The following MAP3K21 variants were observed in gnomAD, a reference collection of about 807,000 sequenced individuals.
MAP3K21 encodes mitogen-activated protein kinase kinase kinase 21.
MAP3K21 carries 63 observed loss-of-function variants against 86.1 expected under a neutral mutation model. The ratio of observed to expected loss-of-function variants is 0.73; its 90% CI spans 0.60 to 0.90. The LOEUF (loss-of-function observed/expected upper bound fraction) is 0.90. MAP3K21 is among the 40% of genes least tolerant of loss of function. MAP3K21 has a pLI of 0.00. For missense variants in MAP3K21, 1,220 were observed against 1,367.7 expected (o/e 0.89, Z 1.70); for synonymous variants, 558 against 564.8 (o/e 0.99, Z 0.17).
intron 1 of MAP3K21, among the ~76,000 whole-genome samples, chr1:233,332,420 A>C (rs1228549037): frequency 6.6e-6 from 1 of 151,988 alleles, no homozygotes; most frequent in Non-Finnish European, 1.5e-5. Context: ...AGGAAGCAAA[A>C]ATGAGCCTTC....
chr1:233,331,315 A>G (rs528478484), intron 1 of MAP3K21, among the ~76,000 whole-genome samples: 3 of 152,336 alleles, frequency 2.0e-5, no homozygotes, highest in African/African-American at 7.2e-5. Context: ...TATTTGTTAC[A>G]ATATGACCAT....
chr1:233,328,508 CGCG>C lies in MAP3K21; in HGVS notation c.489_491del (p.Ala165del), dbSNP rs752941231. 8.5e-6 allele frequency: 13 copies of C among 1,525,244 alleles called. No homozygotes were observed. Among genetic ancestry groups the C allele is most frequent in the Admixed American group, 5.9e-5 (3 of 51,014 alleles). 94.5% of individuals were successfully genotyped at this position (1,525,244 alleles called of 1,614,324 possible). A position where few individuals can be genotyped will look rare whatever the true frequency, so the allele number is the denominator to read the frequency against. On this transcript the variant is annotated inframe_deletion, in exon 1 of 10. Transcript: ENST00000366624. The surrounding 1 kb of genome is among the most constrained non-coding windows in gnomAD (Gnocchi z 8.7). ...CGGCGCGCCAGGACCCGGAGCAGGA[CGCG>C]GCGGCGGCTGCCGAGAGCGTGCGGC...
intron 6 of MAP3K21, chr1:233,374,190 T>A (rs183389568): frequency 6.6e-6 from 1 of 152,318 alleles, no homozygotes; most frequent in Non-Finnish European, 1.5e-5. Flanking sequence ...TCTACATTTT[T>A]TTTTTTTTGA....
chr1:233,334,293 C>A (rs969372853), intron 1 of MAP3K21, among the ~76,000 whole-genome samples: 1 of 151,958 alleles, frequency 6.6e-6, no homozygotes, highest in African/African-American at 2.4e-5. Context: ...GTAAGAGACA[C>A]CACCTCTGGC....
intron 5 of MAP3K21, 105 bp downstream of exon 5, chr1:233,362,398 A>G: frequency 8.1e-7 from 1 of 1,228,798 alleles, no homozygotes; most frequent in East Asian, 2.3e-5. Context: ...GTAACTTTGT[A>G]AAACAGTGAA....
Position 233,328,393 on chromosome 1 carries a change from A to G in MAP3K21, c.365A>G (p.Glu122Gly). 1 of 1,486,864 alleles carries G rather than the reference A, an allele frequency of 6.7e-7. No individual in the cohort carries two copies. The highest frequency in any genetic ancestry group is 8.9e-7 in the Non-Finnish European group (1 of 1,126,334). The allele number at this position is 1,486,864 out of a possible 1,614,324, so 92.1% of individuals were successfully genotyped here. The change falls in exon 1 of 10, where the codon GAG (glutamate) becomes GGG (glycine). Residue 122 changes from glutamate to glycine, a missense_variant. Around this residue, in one of 5 missense-constraint regions of MAP3K21, gnomAD observed 369 missense variants for 385.3 expected, o/e 0.96. Coordinates refer to ENST00000366624, the MANE Select transcript of MAP3K21 (RefSeq NM_032435.3). This position sits in a 1 kb window ranked among gnomAD's most constrained non-coding sequence, Gnocchi z 8.7. ...AGCTCCCCGGTACACGTCGCCTTCGAGCGGCTGGAGCTGAAGGAGCTCATC... is the reference window on the plus strand; with the variant it reads ...AGCTCCCCGGTACACGTCGCCTTCGGGCGGCTGGAGCTGAAGGAGCTCATC... ...RPSSPVHVAFERLELKELIGA... is the reference protein window; with the variant it reads ...RPSSPVHVAFGRLELKELIGA...
Position 233,362,049 on chromosome 1 carries a change from G to A in MAP3K21, c.1312-4G>A. The A allele has an allele frequency of 6.2e-7, 1 of 1,610,520 alleles. No homozygotes were observed. The highest frequency in any genetic ancestry group is 1.8e-4 in the Middle Eastern group (1 of 5,532). On this transcript the variant is annotated splice_polypyrimidine_tract_variant and splice_region_variant and intron_variant, in intron 4 of 9. Transcript: ENST00000366624. ...ATTCCGGTGGGTGTGAATCTGTGTC[G>A]CAGGAGCTGCGATCCCGGGAAGAGG...
chr1:233,379,977 C>G (rs1291671896), intron 9 of MAP3K21, among the ~76,000 whole-genome samples: 3 of 152,174 alleles, frequency 2.0e-5, no homozygotes, highest in African/African-American at 7.2e-5. Flanking sequence ...ACCACCCAGC[C>G]CCCTCACGTT....
At chr1:233,372,990 G>A (rs1663719131) in intron 6 of MAP3K21, 1 of 151,868 alleles carries the variant, frequency 6.6e-6, no homozygotes, top group South Asian at 2.1e-4. Flanking sequence ...TGTCTAATGA[G>A]GCTTGCATGG....
rs570683263 is a variant in MAP3K21, at chr1:233,328,475, C to G, written c.447C>G (p.Ala149=). The G allele has an allele frequency of 1.7e-5, 26 of 1,502,816 alleles. No homozygotes were observed. The South Asian group carries it at 2.9e-4, about 17-fold the overall frequency. The allele number at this position is 1,502,816 out of a possible 1,614,324, so 93.1% of individuals were successfully genotyped here. A position where few individuals can be genotyped will look rare whatever the true frequency, so the allele number is the denominator to read the frequency against. ...YRATWQGQEV[A]VKAARQDPEQ... is the part of the protein sequence containing the mutation. The stretch of plus-strand genomic sequence containing the variant: ...CCACCTGGCAGGGCCAGGAGGTGGC[C>G]GTGAAGGCGGCGCGCCAGGACCCGG... The change falls in exon 1 of 10, where the codon GCC becomes GCG. Residue 149 remains alanine, a synonymous_variant. Transcript: ENST00000366624. The surrounding 1 kb of genome is among the most constrained non-coding windows in gnomAD (Gnocchi z 8.7).
At chr1:233,340,153 T>C (rs1429756440) in intron 1 of MAP3K21, among the ~76,000 whole-genome samples, 1 of 152,178 alleles carries the variant, frequency 6.6e-6, no homozygotes, top group Admixed American at 6.5e-5. Context: ...TAGCTGAGGT[T>C]AGGCAAAAGG....
At chr1:233,351,624 G>T (rs1663254141) in intron 2 of MAP3K21, among the ~76,000 whole-genome samples, 1 of 151,878 alleles carries the variant, frequency 6.6e-6, no homozygotes, top group African/African-American at 2.4e-5. Flanking sequence ...AACCCAGGAG[G>T]TGGCGGAGGT....
At chr1:233,369,245 C>T (rs1007147480) in intron 5 of MAP3K21, among the ~76,000 whole-genome samples, 1 of 98,368 alleles carries the variant, frequency 1.0e-5, no homozygotes, top group Non-Finnish European at 2.2e-5. Context: ...AAAAAATTAG[C>T]CAGGTGTGGT....
chr1:233,365,480 T>A (rs543143765), intron 5 of MAP3K21, among the ~76,000 whole-genome samples: 95 of 152,278 alleles, frequency 6.2e-4, no homozygotes, highest in African/African-American at 2.1e-3. Context: ...TGAATAGACA[T>A]TTCTCAAAAG....
In MAP3K21 at chr1:233,372,036, A is replaced by G; in HGVS notation, c.1553-2A>G. ...CCAGTTCTCCCTTTTTGCCTCCAAC[A>G]GATTTCCAGCACAAGATAACCGTGC... On this transcript the variant is annotated splice_acceptor_variant, in intron 5 of 9. Coordinates refer to ENST00000366624, the MANE Select transcript of MAP3K21 (RefSeq NM_032435.3). LOFTEE classifies it high-confidence loss of function. The G allele has an allele frequency of 1.9e-6, 3 of 1,609,746 alleles. No individual in the cohort carries two copies. The highest frequency in any genetic ancestry group is 2.5e-6 in the Non-Finnish European group (3 of 1,178,292).
intron 1 of MAP3K21, among the ~76,000 whole-genome samples, chr1:233,339,901 T>A (rs1458954889): frequency 6.6e-6 from 1 of 152,220 alleles, no homozygotes; most frequent in African/African-American, 2.4e-5. Flanking sequence ...TAATAATTCA[T>A]CTTCTTCATA....
chr1:233,339,398 T>TCTC lies in MAP3K21; in HGVS notation c.806-7026_806-7024dup, dbSNP rs1296666890. 1.7e-4 allele frequency among the ~76,000 whole-genome samples: 17 copies of TCTC among 102,730 alleles called. 1 individual carries two copies. The highest frequency in any genetic ancestry group is 3.2e-4 in the African/African-American group (9 of 27,986). The allele number at this position is 102,730 out of a possible 152,430, so 67.4% of individuals were successfully genotyped here. A position where few individuals can be genotyped will look rare whatever the true frequency, so the allele number is the denominator to read the frequency against. ...TCCTTCTTCTCCTTCTTCTCCTCCT[T>TCTC]CTCCTCCTCCTCCTCCTCCTTCTCC... On this transcript the variant is annotated intron_variant, in intron 1 of 9. Transcript: ENST00000366624.
At chr1:233,347,231 G>C (rs537170032) in intron 2 of MAP3K21, among the ~76,000 whole-genome samples, 1 of 152,182 alleles carries the variant, frequency 6.6e-6, no homozygotes, top group South Asian at 2.1e-4. Context: ...GATTCCTTGT[G>C]ACTCACAGGC....
At chr1:233,355,096 T>G (rs1183381272) in intron 4 of MAP3K21, 85 bp downstream of exon 4, 5 of 967,300 alleles carry the variant, frequency 5.2e-6, no homozygotes, top group Non-Finnish European at 6.1e-6. Flanking sequence ...GTTAGCATTA[T>G]TCAAAAATAT....
Sources: allele counts gnomAD v4.1 joint callset (sites outside exome capture counted in the v4.1 genomes callset), GRCh38; gene constraint gnomAD v4.1.1; regional missense constraint gnomAD v4.1.1; non-coding constraint Gnocchi (gnomAD v3.1); transcripts MANE v1.5; gene names NCBI Gene and HGNC (gene_info 2026-07-23, HGNC 2026-07-21).